The following GPM6A variants were observed in gnomAD, a reference collection of about 807,000 sequenced individuals.
GPM6A encodes neuronal membrane glycoprotein M6-a.
In GPM6A, 7 loss-of-function variants were observed where a neutral mutation model predicts 32.1. The ratio of observed to expected loss-of-function variants is 0.22; its 90% CI spans 0.12 to 0.41. The LOEUF (loss-of-function observed/expected upper bound fraction) is 0.41. GPM6A is among the 10% of genes least tolerant of loss of function. The pLI is 1.00. For missense variants in GPM6A, 235 were observed against 347.2 expected, an observed-to-expected ratio of 0.68 and a Z score of 2.57; for synonymous variants, 130 against 123.4, an observed-to-expected ratio of 1.05 and a Z score of -0.35.
intron 1 of GPM6A, among the ~76,000 whole-genome samples, chr4:175,995,107 C>T (rs1741262618): frequency 6.6e-6 from 1 of 152,168 alleles, no homozygotes; most frequent in South Asian, 2.1e-4. Context: ...ACTTCCTCCA[C>T]TGAAGGCTTG....
chr4:175,664,935 C>T (rs1018716584), intron 3 of GPM6A, among the ~76,000 whole-genome samples: 1 of 151,500 alleles, frequency 6.6e-6, no homozygotes, highest in East Asian at 2.0e-4. Context: ...CTATTGTTCT[C>T]AGGCCGTAAA....
chr4:175,812,582 A>T, upstream of GPM6A: 1 of 1,023,194 alleles, frequency 9.8e-7, no homozygotes, highest in Non-Finnish European at 1.2e-6. Context: ...GAGCAGAGAC[A>T]CTATGATTCA....
chr4:175,721,085 C>T lies in GPM6A; in HGVS notation c.38-19318G>A, dbSNP rs1404686374. ...GTATATATATATTACTTTAGCTTTT[C>T]TAGTATATATTTCTAGTATATATAT... On this transcript the variant is annotated intron_variant, in intron 1 of 6. Transcript: ENST00000393658. Among the ~76,000 whole-genome samples the T allele has an allele frequency of 2.0e-4, 28 of 137,148 alleles. No individual in the cohort carries two copies. The Admixed American group carries it at 2.1e-3, about 10-fold the overall frequency. 90.0% of individuals were successfully genotyped at this position (137,148 alleles called of 152,430 possible). A position where few individuals can be genotyped will look rare whatever the true frequency, so the allele number is the denominator to read the frequency against.
intron 1 of GPM6A, among the ~76,000 whole-genome samples, chr4:175,931,285 G>T (rs1207593313): frequency 6.6e-6 from 1 of 152,084 alleles, no homozygotes; most frequent in Non-Finnish European, 1.5e-5. Context: ...TAAAGTCTAA[G>T]CCACAGAAAT....
At chr4:175,999,825 A>G (rs946758998) in intron 1 of GPM6A, among the ~76,000 whole-genome samples, 13 of 152,146 alleles carry the variant, frequency 8.5e-5, no homozygotes, top group African/African-American at 3.1e-4. Flanking sequence ...TTTCCCTCTT[A>G]TCCTAGCCAT....
chr4:175,784,024 G>A (rs1361969102), intron 1 of GPM6A, among the ~76,000 whole-genome samples: 2 of 151,896 alleles, frequency 1.3e-5, no homozygotes, highest in Non-Finnish European at 2.9e-5. Context: ...AGTTTGAAAC[G>A]GGAAAAATAG....
intron 1 of GPM6A, among the ~76,000 whole-genome samples, chr4:175,917,720 A>G (rs1738538483): frequency 6.6e-6 from 1 of 152,106 alleles, no homozygotes; most frequent in African/African-American, 2.4e-5. Context: ...ATGTGGGAGG[A>G]ATGAGTCGGT....
At chr4:175,711,191 T>G (rs2111090336) in intron 1 of GPM6A, among the ~76,000 whole-genome samples, 1 of 151,904 alleles carries the variant, frequency 6.6e-6, no homozygotes, top group East Asian at 1.9e-4. Context: ...GTTTCAAAAC[T>G]TCAATTGTTT....
intron 1 of GPM6A, among the ~76,000 whole-genome samples, chr4:175,958,355 C>G (rs1740055335): frequency 6.6e-6 from 1 of 152,134 alleles, no homozygotes; most frequent in South Asian, 2.1e-4. Context: ...TTTAGGAAAC[C>G]ACTGTTGATT....
At position 175,634,923 on chromosome 4, in the gene GPM6A, C is replaced by A. The variant is rs748384747; in HGVS notation, c.819G>T (p.Arg273=). The part of the protein sequence containing the change: ...HDIHSTRSKE[R]LNAYT ...GATGCATTTATGTGTATGCATTGAGCCGCTCTTTGGAGCGAGTAGAGTGGA... is the reference window on the plus strand; with the variant it reads ...GATGCATTTATGTGTATGCATTGAGACGCTCTTTGGAGCGAGTAGAGTGGA... Residue 273 remains arginine (R), a synonymous_variant, in exon 7 of 7, where the codon CGG becomes CGT. Transcript: ENST00000393658. 3 of 1,613,430 alleles carry A rather than the reference C, an allele frequency of 1.9e-6. No individual in the cohort carries two copies. Among genetic ancestry groups the A allele is most frequent in the Non-Finnish European group, 2.5e-6 (3 of 1,179,556 alleles).
chr4:175,739,416 C>T (rs893931664), intron 1 of GPM6A, among the ~76,000 whole-genome samples: 5 of 152,136 alleles, frequency 3.3e-5, no homozygotes, highest in Non-Finnish European at 5.9e-5. Context: ...ACAGAAGTCT[C>T]TATTGCTAGA....
chr4:175,697,360 C>G (rs757259967), intron 2 of GPM6A, among the ~76,000 whole-genome samples: 23 of 151,864 alleles, frequency 1.5e-4, no homozygotes, highest in African/African-American at 5.3e-4. Context: ...AGTAATAACA[C>G]CTTTCCAAAT....
rs950924083 is a variant in GPM6A, at chr4:175,794,545, G to A, written c.37+17646C>T. On this transcript the variant is annotated intron_variant, in intron 1 of 6. Transcript: ENST00000393658. ...TTTGAATTCAAGATTAATATTGCTCGGAAGTTATTCTAAAAGCATAGCATA... is the reference window on the plus strand; with the variant it reads ...TTTGAATTCAAGATTAATATTGCTCAGAAGTTATTCTAAAAGCATAGCATA... 8.5e-5 allele frequency among the ~76,000 whole-genome samples: 13 copies of A among 152,050 alleles called. 1 individual carries two copies. The South Asian group carries it at 1.0e-3, about 12-fold the overall frequency.
intron 1 of GPM6A, among the ~76,000 whole-genome samples, chr4:175,734,154 AT>A (rs1731553343): frequency 1.2e-5 from 1 of 82,764 alleles, no homozygotes; most frequent in Admixed American, 1.1e-4. Context: ...ATATATATAT[AT>A]ATATATTTTT....
chr4:175,749,192 G>T (rs1732222107), intron 1 of GPM6A, among the ~76,000 whole-genome samples: 2 of 140,206 alleles, frequency 1.4e-5, no homozygotes, highest in South Asian at 4.4e-4. Context: ...AAAAGTAATT[G>T]CAGTTTTTGC....
intron 1 of GPM6A, among the ~76,000 whole-genome samples, chr4:175,826,287 C>T (rs1035464209): frequency 2.0e-5 from 3 of 148,702 alleles, no homozygotes; most frequent in African/African-American, 7.5e-5. Flanking sequence ...ATCTCTCTTT[C>T]TCTCTCTCTC....
At chr4:175,965,295 A>G (rs76848487) in intron 1 of GPM6A, among the ~76,000 whole-genome samples, 9,443 of 152,246 alleles carry the variant, frequency 0.062, 943 homozygotes, top group African/African-American at 0.21. Context: ...ATTGGTACTT[A>G]GACAAAAATT....
chr4:175,900,974 G>C (rs1737946091), intron 1 of GPM6A, among the ~76,000 whole-genome samples: 1 of 152,110 alleles, frequency 6.6e-6, no homozygotes, highest in African/African-American at 2.4e-5. Context: ...ATTTGCAACA[G>C]CATGGATAGA....
intron 1 of GPM6A, among the ~76,000 whole-genome samples, chr4:175,935,871 G>A (rs909075434): frequency 9.9e-5 from 15 of 151,666 alleles, no homozygotes; most frequent in Non-Finnish European, 1.8e-4. Flanking sequence ...CAAGGAGAGG[G>A]GATATTGATT....
Sources: gnomAD v4.1 joint callset for allele counts (sites outside exome capture counted in the v4.1 genomes callset) on GRCh38, gnomAD v4.1.1 for gene constraint, MANE v1.5 for transcripts, NCBI Gene and HGNC (gene_info 2026-07-23, HGNC 2026-07-21) for gene names.